ASTN1: variants seen among roughly 807,000 people sequenced by gnomAD.
ASTN1 encodes the protein astrotactin-1.
In ASTN1, 41 loss-of-function variants were observed where a neutral mutation model predicts 140.7. The ratio of observed to expected loss-of-function variants is 0.29; its 90% CI spans 0.23 to 0.38. ASTN1 has a LOEUF of 0.38. Among genes scored for constraint, ASTN1 ranks in the 10% least tolerant of loss-of-function variants. ASTN1 has a pLI of 1.00. For synonymous variants in ASTN1, 640 were observed against 652.2 expected (o/e 0.98, Z 0.29); for missense variants, 1,479 against 1,678.8 (o/e 0.88, Z 2.08).
chr1:177,131,659 G>T (rs932111823), intron 1 of ASTN1, among the ~76,000 whole-genome samples: 2 of 152,118 alleles, frequency 1.3e-5, no homozygotes, highest in Non-Finnish European at 2.9e-5. Context: ...ATACCTACGT[G>T]TCAGAAGGGT....
intron 1 of ASTN1, among the ~76,000 whole-genome samples, chr1:177,147,767 C>A (rs1250318625): frequency 6.6e-6 from 1 of 152,154 alleles, no homozygotes; most frequent in Non-Finnish European, 1.5e-5. Context: ...TTATTCTTAA[C>A]ACAGAGATTG....
intron 8 of ASTN1, among the ~76,000 whole-genome samples, chr1:176,991,720 T>C (rs1009243865): frequency 6.6e-6 from 1 of 152,206 alleles, no homozygotes; most frequent in Non-Finnish European, 1.5e-5. Flanking sequence ...TTTAGAAGAA[T>C]AGGTTTCAGA....
intron 1 of ASTN1, among the ~76,000 whole-genome samples, chr1:177,066,393 A>G (rs1158531234): frequency 6.6e-6 from 1 of 152,232 alleles, no homozygotes; most frequent in Non-Finnish European, 1.5e-5. Context: ...ATAATCAGGG[A>G]TAGGGAAAGG....
At chr1:177,114,095 G>T (rs1277756361) in intron 1 of ASTN1, among the ~76,000 whole-genome samples, 1 of 152,142 alleles carries the variant, frequency 6.6e-6, no homozygotes, top group African/African-American at 2.4e-5. Flanking sequence ...AGGGAGTACA[G>T]CATATTGACT....
downstream of ASTN1, among the ~76,000 whole-genome samples, chr1:176,859,203 T>C (rs1031249085): frequency 2.6e-5 from 4 of 152,182 alleles, no homozygotes; most frequent in African/African-American, 9.7e-5. Flanking sequence ...GTCTTTCTTT[T>C]CCCAGCTCTG....
chr1:177,013,677 T>C (rs1430405314), intron 8 of ASTN1, among the ~76,000 whole-genome samples: 1 of 152,204 alleles, frequency 6.6e-6, no homozygotes, highest in Middle Eastern at 3.2e-3. Context: ...TTTCCACCTG[T>C]CAAGCTGCAA....
intron 15 of ASTN1, 86 bp downstream of exon 15, chr1:176,936,180 C>T (rs778042803): frequency 1.6e-5 from 19 of 1,214,422 alleles, no homozygotes; most frequent in African/African-American, 4.5e-5. Flanking sequence ...GCTGCATCTT[C>T]GACAGTGGGA....
rs144199285 is a variant in ASTN1, at chr1:177,130,321, A to C, written c.283+34073T>G. Among the ~76,000 whole-genome samples, 47 of 152,248 alleles carry C rather than the reference A, an allele frequency of 3.1e-4. 1 individual carries two copies. Among genetic ancestry groups the C allele is most frequent in the African/African-American group, 9.9e-4 (41 of 41,534 alleles). ...TTATGAGGTTAGGATATCCTCCCAG[A>C]GTAGTGAGCAAGTGTACCCTCCCGC... is the stretch of plus-strand genomic sequence containing the variant. On this transcript the variant is annotated intron_variant, in intron 1 of 22. Coordinates refer to ENST00000361833, the MANE Select transcript of ASTN1 (RefSeq NM_004319.3).
chr1:176,990,507 G>A (rs1011079921), intron 8 of ASTN1, among the ~76,000 whole-genome samples: 6 of 151,910 alleles, frequency 3.9e-5, no homozygotes, highest in African/African-American at 1.5e-4. Context: ...AATCAAGAAC[G>A]AGTGTGAGGC....
intron 1 of ASTN1, among the ~76,000 whole-genome samples, chr1:177,149,786 ATATACAG>A (rs1682946057): frequency 9.8e-6 from 1 of 102,196 alleles, no homozygotes; most frequent in African/African-American, 5.1e-5. Context: ...TAGTAAATAT[ATATACAG>A]TGTATATACA....
At chr1:176,924,267 A>G (rs1330612461) in intron 16 of ASTN1, among the ~76,000 whole-genome samples, 2 of 152,196 alleles carry the variant, frequency 1.3e-5, no homozygotes, top group Non-Finnish European at 2.9e-5. Context: ...TTATTCTAGG[A>G]GCTATGGGAA....
chr1:176,871,076 A>C (rs551110008), intron 21 of ASTN1, among the ~76,000 whole-genome samples: 1 of 152,326 alleles, frequency 6.6e-6, no homozygotes, highest in Non-Finnish European at 1.5e-5. Context: ...TGTATAATCA[A>C]TTTAAGGTAC....
downstream of ASTN1, among the ~76,000 whole-genome samples, chr1:176,860,454 G>A (rs1237056382): frequency 6.6e-6 from 1 of 152,200 alleles, no homozygotes. Flanking sequence ...TTTGATGGTA[G>A]CTGAGATAAT....
chr1:176,966,261 A>G (rs1042589164), intron 8 of ASTN1, among the ~76,000 whole-genome samples: 15 of 152,188 alleles, frequency 9.9e-5, no homozygotes, highest in Non-Finnish European at 2.9e-5. Context: ...ACTAGGAGTT[A>G]ATCTAGTGGT....
intron 22 of ASTN1, among the ~76,000 whole-genome samples, chr1:176,868,094 T>C (rs1668194555): frequency 1.3e-5 from 2 of 152,308 alleles, no homozygotes; most frequent in Non-Finnish European, 2.9e-5. Flanking sequence ...GACATATAGG[T>C]ACCAACATTC....
chr1:176,906,911 G>T (rs1670030601), intron 16 of ASTN1, among the ~76,000 whole-genome samples: 1 of 151,920 alleles, frequency 6.6e-6, no homozygotes, highest in South Asian at 2.1e-4. Flanking sequence ...GAAGATGTGT[G>T]ATTTCTTTCA....
At chr1:176,955,540 G>A (rs1055245574) in intron 11 of ASTN1, among the ~76,000 whole-genome samples, 1 of 152,232 alleles carries the variant, frequency 6.6e-6, no homozygotes, top group Admixed American at 6.5e-5. Flanking sequence ...AAAGTGTTAT[G>A]CTAATACCAA....
intron 1 of ASTN1, among the ~76,000 whole-genome samples, chr1:177,091,306 A>G (rs1378521475): frequency 1.3e-5 from 2 of 152,164 alleles, no homozygotes; most frequent in Non-Finnish European, 2.9e-5. Context: ...GACTCACATC[A>G]GGCTTCCTGT....
intron 8 of ASTN1, among the ~76,000 whole-genome samples, chr1:177,007,602 G>C (rs934934478): frequency 1.3e-5 from 2 of 152,072 alleles, no homozygotes; most frequent in Non-Finnish European, 2.9e-5. Flanking sequence ...ACAGATTCTG[G>C]GCCCTCTCCC....
Sources: gnomAD v4.1 joint callset for allele counts (sites outside exome capture counted in the v4.1 genomes callset) on GRCh38, gnomAD v4.1.1 for gene constraint, MANE v1.5 for transcripts, NCBI Gene and HGNC (gene_info 2026-07-23, HGNC 2026-07-21) for gene names.